The following ZNF438 variants were observed in gnomAD, a reference collection of about 807,000 sequenced individuals.
The protein encoded by ZNF438 is zinc finger protein 438.
In ZNF438, 25 loss-of-function variants were observed where a neutral mutation model predicts 38.0. That is an observed-to-expected ratio of 0.66 (90% CI 0.48 to 0.92). The LOEUF is 0.92. ZNF438 is among the 40% of genes least tolerant of loss of function. ZNF438 has a pLI of 0.00. For missense variants in ZNF438, 1,007 were observed against 999.6 expected (o/e 1.01, Z -0.10); for synonymous variants, 372 against 364.1 (o/e 1.02, Z -0.25).
In ZNF438 at chr10:30,847,800, A is replaced by G. The variant is rs568377398; in HGVS notation, c.1874+731T>C. Among the ~76,000 whole-genome samples the G allele has an allele frequency of 4.6e-5, 7 of 152,356 alleles. No homozygotes were observed. The South Asian group carries it at 1.4e-3, about 32-fold the overall frequency. ...TGGCACCTGGAGCTGCCTGGCCTGC[A>G]GCAGCAGCCGGCGTGCCTGCCTATG... On this transcript the variant is annotated intron_variant, in intron 5 of 5. Coordinates refer to ENST00000413025, the Ensembl canonical transcript of ZNF438.
chr10:30,889,595 G>A (rs1341791903), intron 3 of ZNF438, among the ~76,000 whole-genome samples: 1 of 152,144 alleles, frequency 6.6e-6, no homozygotes, highest in African/African-American at 2.4e-5. Flanking sequence ...TAGTAGAGAT[G>A]GGGTTTCACC....
intron 1 of ZNF438, among the ~76,000 whole-genome samples, chr10:31,024,584 C>T (rs1370416995): frequency 6.6e-6 from 1 of 151,790 alleles, no homozygotes; most frequent in African/African-American, 2.4e-5. Context: ...GCCAAGATCG[C>T]GCCACTGCGC....
intron 3 of ZNF438, among the ~76,000 whole-genome samples, chr10:30,878,075 T>C (rs2038698135): frequency 6.6e-6 from 1 of 152,090 alleles, no homozygotes; most frequent in Non-Finnish European, 1.5e-5. Context: ...GGCAGAGAAA[T>C]TCTAGGCAGA....
chr10:30,949,838 C>T (rs1406770604), intron 1 of ZNF438, among the ~76,000 whole-genome samples: 190 of 151,948 alleles, frequency 1.3e-3, no homozygotes, highest in African/African-American at 4.2e-3. Flanking sequence ...GACAGATCAA[C>T]GAGACAGAAA....
intron 5 of ZNF438, among the ~76,000 whole-genome samples, chr10:30,847,829 A>G (rs1422175801): frequency 6.6e-6 from 1 of 152,222 alleles, no homozygotes; most frequent in African/African-American, 2.4e-5. Flanking sequence ...GCCTATGCGC[A>G]GTGGCCAGAC....
intron 1 of ZNF438, among the ~76,000 whole-genome samples, chr10:31,006,402 T>C (rs949021314): frequency 2.0e-5 from 3 of 152,188 alleles, no homozygotes; most frequent in African/African-American, 7.2e-5. Context: ...AGCTTTCAAA[T>C]AGCTGAACAC....
chr10:31,018,570 G>A (rs1285850711), intron 1 of ZNF438, among the ~76,000 whole-genome samples: 1 of 152,170 alleles, frequency 6.6e-6, no homozygotes, highest in Non-Finnish European at 1.5e-5. Context: ...CTTAACCAGT[G>A]CTATACATTT....
At chr10:30,922,091 G>C (rs1457903086) in intron 2 of ZNF438, among the ~76,000 whole-genome samples, 2 of 152,118 alleles carry the variant, frequency 1.3e-5, no homozygotes, top group Non-Finnish European at 2.9e-5. Flanking sequence ...GATAAATTGA[G>C]TGTATTGTAG....
rs541132212 is a variant in ZNF438, at chr10:31,004,365, T to C, written c.-192+27468A>G. Among the ~76,000 whole-genome samples the C allele has an allele frequency of 7.2e-5, 11 of 152,202 alleles. No homozygotes were observed. In the East Asian group the frequency reaches 1.9e-3, roughly 27 times the overall value. ...AACCTTTCCTCTTTTAGATGTCAGG[T>C]AACACAGAAGACAGAAAATGGTCAA... On this transcript the variant is annotated intron_variant, in intron 1 of 5. Coordinates refer to ENST00000413025, the Ensembl canonical transcript of ZNF438.
intron 4 of ZNF438, among the ~76,000 whole-genome samples, chr10:30,874,612 T>C (rs2038128942): frequency 6.6e-6 from 1 of 152,124 alleles, no homozygotes. Context: ...TATTCACATA[T>C]ATTATTTTTC....
At chr10:30,994,796 C>T (rs555795641) in intron 1 of ZNF438, among the ~76,000 whole-genome samples, 5 of 152,098 alleles carry the variant, frequency 3.3e-5, no homozygotes, top group Admixed American at 2.0e-4. Context: ...CTTGGGAGGC[C>T]GAGGTGGGAG....
intron 2 of ZNF438, among the ~76,000 whole-genome samples, chr10:30,924,668 C>A (rs951890158): frequency 6.6e-6 from 1 of 152,054 alleles, no homozygotes. Flanking sequence ...GAGAAAACAC[C>A]AAACTCAAAT....
rs566968685 is a variant in ZNF438 at position 30,878,188 on chromosome 10, T to G, written c.-31-1123A>C. On this transcript the variant is annotated intron_variant, in intron 3 of 5. Coordinates refer to ENST00000413025, the Ensembl canonical transcript of ZNF438. ...TCCCTGTTTGCCTGTTCTCTCCTGATTGGTTCTTTCTGAATAATGTCTTTT... is the reference window on the plus strand; with the variant it reads ...TCCCTGTTTGCCTGTTCTCTCCTGAGTGGTTCTTTCTGAATAATGTCTTTT... 5.9e-5 allele frequency among the ~76,000 whole-genome samples: 9 copies of G among 152,268 alleles called. No homozygotes were observed. In the South Asian group the frequency reaches 1.2e-3, roughly 21 times the overall value.
rs537182221 is a variant in ZNF438 at position 30,977,931 on chromosome 10, G to T, written c.-191-36280C>A. On this transcript the variant is annotated intron_variant, in intron 1 of 5. Coordinates refer to ENST00000413025, the Ensembl canonical transcript of ZNF438. ...TGGGAGGCCGAGGTTGCAGTGCACC[G>T]AGATCGTGCCACTACACTCCAGGCT... Among the ~76,000 whole-genome samples the T allele has an allele frequency of 3.8e-4, 58 of 151,346 alleles. 1 individual carries two copies. The highest frequency in any genetic ancestry group is 1.4e-3 in the African/African-American group (57 of 41,230).
chr10:30,930,462 C>T (rs71491450), intron 2 of ZNF438, among the ~76,000 whole-genome samples: 2 of 152,202 alleles, frequency 1.3e-5, no homozygotes, highest in African/African-American at 2.4e-5. Flanking sequence ...CGGCTCTGGC[C>T]TCAGCCAGCC....
At chr10:30,957,041 A>T (rs2048938174) in intron 1 of ZNF438, among the ~76,000 whole-genome samples, 1 of 152,102 alleles carries the variant, frequency 6.6e-6, no homozygotes, top group Non-Finnish European at 1.5e-5. Flanking sequence ...TTTTCTCCAC[A>T]TCCTTGCCAG....
rs1030324804 is a variant in ZNF438 at position 30,957,821 on chromosome 10, A to G, written c.-191-16170T>C. 1.7e-5 allele frequency among the ~76,000 whole-genome samples: 2 copies of G among 117,188 alleles called. 1 individual carries two copies. The highest frequency in any genetic ancestry group is 4.5e-5 in the Non-Finnish European group (2 of 44,774). 76.9% of individuals were successfully genotyped at this position (117,188 alleles called of 152,430 possible). On this transcript the variant is annotated intron_variant, in intron 1 of 5. Coordinates refer to ENST00000413025, the Ensembl canonical transcript of ZNF438. The stretch of plus-strand genomic sequence containing the variant: ...ATTTTAAATGTTCAACAGGAAAAGC[A>G]TCAGGGTTTGGGCTGTTCTTTGATG...
chr10:30,894,953 C>G (rs1338730787), intron 3 of ZNF438, among the ~76,000 whole-genome samples: 1 of 152,166 alleles, frequency 6.6e-6, no homozygotes, highest in Non-Finnish European at 1.5e-5. Context: ...TGAAGAGCAT[C>G]TTTATTTCTC....
At chr10:30,846,965 C>A (rs2032304042) in intron 5 of ZNF438, among the ~76,000 whole-genome samples, 1 of 152,198 alleles carries the variant, frequency 6.6e-6, no homozygotes, top group East Asian at 1.9e-4. Context: ...TGCCCACCTC[C>A]TACCCCATTG....
Sources: gnomAD v4.1 joint callset for allele counts (sites outside exome capture counted in the v4.1 genomes callset) on GRCh38, gnomAD v4.1.1 for gene constraint, MANE v1.5 for transcripts, NCBI Gene and HGNC (gene_info 2026-07-23, HGNC 2026-07-21) for gene names.